Variants in WWOX observed in about 807,000 individuals in gnomAD.
The protein encoded by WWOX is WW domain containing oxidoreductase, also known as WW domain-containing oxidoreductase.
A neutral mutation model predicts 46.2 loss-of-function variants in WWOX; 69 were observed. That is an observed-to-expected ratio of 1.49 (90% CI 1.23 to 1.82). The LOEUF is 1.82. Ranked by LOEUF, WWOX falls within the 40% of genes most tolerant of loss-of-function variation. The pLI is 0.00. For missense variants in WWOX, 919 were observed against 542.6 expected, an observed-to-expected ratio of 1.69 and a Z score of -6.89; for synonymous variants, 359 against 202.6, an observed-to-expected ratio of 1.77 and a Z score of -6.56.
intron 8 of WWOX, among the ~76,000 whole-genome samples, chr16:78,492,360 A>G (rs1374875684): frequency 6.6e-6 from 1 of 152,228 alleles, no homozygotes; most frequent in Non-Finnish European, 1.5e-5. Context: ...GACATCGTCC[A>G]CTGGAGGGAC....
intron 8 of WWOX, among the ~76,000 whole-genome samples, chr16:78,661,790 G>A (rs776036186): frequency 1.4e-4 from 22 of 152,324 alleles, no homozygotes; most frequent in Non-Finnish European, 2.6e-4. Flanking sequence ...TAATCCCAGT[G>A]CTTTGAGAGG....
At chr16:78,250,979 A>T (rs1286661690) in intron 5 of WWOX, among the ~76,000 whole-genome samples, 1 of 152,190 alleles carries the variant, frequency 6.6e-6, no homozygotes, top group Non-Finnish European at 1.5e-5. Flanking sequence ...ATAAGGGACA[A>T]ATCTCTGGGT....
chr16:78,881,512 A>G (rs1567623254), intron 8 of WWOX, among the ~76,000 whole-genome samples: 1 of 152,208 alleles, frequency 6.6e-6, no homozygotes, highest in Non-Finnish European at 1.5e-5. Flanking sequence ...ACAATTTCGG[A>G]GGGCCAACTA....
At chr16:78,328,192 C>T (rs572270511) in intron 5 of WWOX, among the ~76,000 whole-genome samples, 2 of 152,050 alleles carry the variant, frequency 1.3e-5, no homozygotes, top group East Asian at 3.9e-4. Context: ...TCTTAAATTT[C>T]ACAGTCCCTT....
intron 5 of WWOX, among the ~76,000 whole-genome samples, chr16:78,328,997 G>A (rs756575263): frequency 7.2e-5 from 11 of 151,976 alleles, no homozygotes; most frequent in Admixed American, 3.9e-4. Flanking sequence ...GAGTACCTGG[G>A]ACTACAGGCT....
intron 8 of WWOX, among the ~76,000 whole-genome samples, chr16:79,136,478 C>A (rs1036009784): frequency 6.6e-6 from 1 of 152,170 alleles, no homozygotes; most frequent in Non-Finnish European, 1.5e-5. Context: ...ATCCACCCGC[C>A]TCGGCCTCCC....
At chr16:78,859,567 G>C (rs1196042423) in intron 8 of WWOX, among the ~76,000 whole-genome samples, 1 of 152,140 alleles carries the variant, frequency 6.6e-6, no homozygotes, top group Non-Finnish European at 1.5e-5. Flanking sequence ...GATTTTTCCT[G>C]TCATTATGGA....
At chr16:78,748,061 C>T (rs560512690) in intron 8 of WWOX, among the ~76,000 whole-genome samples, 186 of 152,268 alleles carry the variant, frequency 1.2e-3, no homozygotes, top group African/African-American at 4.2e-3. Flanking sequence ...GCAGAAGTGT[C>T]CCCTGTCTGT....
At chr16:78,654,312 A>G (rs1307515041) in intron 8 of WWOX, among the ~76,000 whole-genome samples, 1 of 152,202 alleles carries the variant, frequency 6.6e-6, no homozygotes, top group Non-Finnish European at 1.5e-5. Flanking sequence ...CCCTTTGTAA[A>G]AATATAAAAT....
intron 5 of WWOX, chr16:78,280,815 C>T (rs1018715513): frequency 6.6e-6 from 1 of 152,194 alleles, no homozygotes; most frequent in Admixed American, 6.5e-5. Flanking sequence ...AATATAAAAA[C>T]AGTTCTTGGA....
At chr16:78,149,860 C>G (rs944845981) in intron 4 of WWOX, among the ~76,000 whole-genome samples, 1 of 152,136 alleles carries the variant, frequency 6.6e-6, no homozygotes, top group East Asian at 1.9e-4. Context: ...GCTCTTAACC[C>G]TAAAGGAAGG....
At chr16:78,331,065 G>GC (rs1457793253) in intron 5 of WWOX, among the ~76,000 whole-genome samples, 5 of 151,990 alleles carry the variant, frequency 3.3e-5, no homozygotes, top group Admixed American at 2.0e-4. Context: ...ATTTGTTTCT[G>GC]CCCCCCAAAA....
At chr16:79,000,270 C>A (rs759641821) in intron 8 of WWOX, among the ~76,000 whole-genome samples, 4 of 152,166 alleles carry the variant, frequency 2.6e-5, no homozygotes, top group Non-Finnish European at 5.9e-5. Context: ...CTTTAGATCC[C>A]ATCTCTGGTA....
intron 8 of WWOX, among the ~76,000 whole-genome samples, chr16:79,118,463 TAC>T (rs757172041): frequency 6.6e-6 from 1 of 152,174 alleles, no homozygotes; most frequent in African/African-American, 2.4e-5. Flanking sequence ...CAAAATGTGA[TAC>T]AGAGACATGA....
At chr16:78,992,766 G>T (rs935828545) in intron 8 of WWOX, among the ~76,000 whole-genome samples, 3 of 152,152 alleles carry the variant, frequency 2.0e-5, no homozygotes, top group African/African-American at 7.2e-5. Context: ...ACTCCCGGAG[G>T]AAAGTGTCCT....
chr16:78,999,462 C>G (rs1335716702), intron 8 of WWOX, among the ~76,000 whole-genome samples: 3 of 152,160 alleles, frequency 2.0e-5, no homozygotes, highest in Non-Finnish European at 4.4e-5. Flanking sequence ...AGGAGCGAAA[C>G]TCCTTCTCAA....
chr16:78,640,793 G>T (rs932253797), intron 8 of WWOX, among the ~76,000 whole-genome samples: 1 of 152,022 alleles, frequency 6.6e-6, no homozygotes, highest in Non-Finnish European at 1.5e-5. Context: ...CAAAAAATTA[G>T]CCGGGCGTGG....
At chr16:78,880,543 C>G (rs968217046) in intron 8 of WWOX, among the ~76,000 whole-genome samples, 1 of 152,194 alleles carries the variant, frequency 6.6e-6, no homozygotes, top group African/African-American at 2.4e-5. Context: ...GAACATTAAA[C>G]AAACTGCAAT....
chr16:78,819,174 C>G (rs945533957), intron 8 of WWOX, among the ~76,000 whole-genome samples: 41 of 152,302 alleles, frequency 2.7e-4, no homozygotes, highest in African/African-American at 9.1e-4. Flanking sequence ...TTTGGATCTT[C>G]TCAGCCCCAT....
Sources: gnomAD v4.1 joint callset for allele counts (sites outside exome capture counted in the v4.1 genomes callset) on GRCh38, gnomAD v4.1.1 for gene constraint, MANE v1.5 for transcripts, NCBI Gene and HGNC (gene_info 2026-07-23, HGNC 2026-07-21) for gene names.